NUF2: variants seen among roughly 807,000 people sequenced by gnomAD.
The protein encoded by NUF2 is kinetochore protein Nuf2.
NUF2 carries 34 observed loss-of-function variants against 61.8 expected under a neutral mutation model. The ratio of observed to expected loss-of-function variants is 0.55; its 90% CI spans 0.42 to 0.73. The LOEUF is 0.73. Among genes scored for constraint, NUF2 ranks in the 30% least tolerant of loss-of-function variants. The probability of loss-of-function intolerance (pLI) is 0.00; values close to 1 mark genes in which losing one functional copy is unlikely to be tolerated. For synonymous variants in NUF2, 172 were observed against 181.6 expected, an observed-to-expected ratio of 0.95 and a Z score of 0.42; for missense variants, 445 against 539.1, an observed-to-expected ratio of 0.83 and a Z score of 1.73.
At chr1:163,331,742 A>G (rs1650604568) in intron 5 of NUF2, among the ~76,000 whole-genome samples, 1 of 152,002 alleles carries the variant, frequency 6.6e-6, no homozygotes, top group Non-Finnish European at 1.5e-5. Context: ...TTATTTTTTT[A>G]AAGGAATTTT....
intron 2 of NUF2, among the ~76,000 whole-genome samples, chr1:163,326,890 C>T (rs1303294895): frequency 6.6e-6 from 1 of 152,064 alleles, no homozygotes; most frequent in Admixed American, 6.5e-5. Context: ...CTATATTTCC[C>T]GTCTTAATGC....
intron 2 of NUF2, 53 bp downstream of exon 2, chr1:163,326,227 G>A: frequency 6.3e-7 from 1 of 1,581,000 alleles, no homozygotes. Flanking sequence ...GAAAAAGTAA[G>A]CTACTAGGTC....
intron 5 of NUF2, among the ~76,000 whole-genome samples, chr1:163,331,218 A>C (rs1247996520): frequency 6.6e-6 from 1 of 151,630 alleles, no homozygotes; most frequent in Non-Finnish European, 1.5e-5. Context: ...ACTTTATTTC[A>C]CTGAGAGTTT....
intron 5 of NUF2, 98 bp from the exon 6 acceptor site, chr1:163,336,653 A>G (rs1650769151): frequency 2.8e-6 from 2 of 719,736 alleles, no homozygotes; most frequent in South Asian, 3.3e-5. Flanking sequence ...TTTATTTTAT[A>G]TATTATGAGC....
At chr1:163,327,450 T>C (rs767689388) in intron 2 of NUF2, 38 bp from the exon 3 acceptor site, 3 of 1,051,718 alleles carry the variant, frequency 2.9e-6, no homozygotes, top group South Asian at 1.3e-5. Flanking sequence ...AGCTTTAGAG[T>C]TATGCATCGG....
chr1:163,336,783 A>T lies in NUF2; in HGVS notation c.370A>T (p.Ile124Phe). 1.2e-6 allele frequency: 2 copies of T among 1,612,934 alleles called. No individual in the cohort carries two copies. The highest frequency in any genetic ancestry group is 1.7e-6 in the Non-Finnish European group (2 of 1,179,220). Residue 124 changes from isoleucine to phenylalanine, a missense_variant, in exon 6 of 14, where the codon ATT becomes TTT. Ile to Phe is a conservative substitution (Grantham distance 21). Transcript: ENST00000271452. ...ACGGACAAGTCGGTTTTTAAGTGGC[A>T]TTATCAACTTTATTCACTTCAGAGA... ...AKRTSRFLSGIINFIHFREAC... is the reference protein window; with the variant it reads ...AKRTSRFLSGFINFIHFREAC...
intron 9 of NUF2, among the ~76,000 whole-genome samples, chr1:163,343,080 C>T (rs1278543914): frequency 1.3e-5 from 2 of 152,134 alleles, no homozygotes; most frequent in East Asian, 3.9e-4. Context: ...TTTCCAGCTA[C>T]CCTTCACTTT....
At chr1:163,335,565 GT>G (rs1553231318) in intron 5 of NUF2, among the ~76,000 whole-genome samples, 2 of 150,338 alleles carry the variant, frequency 1.3e-5, no homozygotes, top group Admixed American at 6.6e-5. Flanking sequence ...TTTGTTTTTG[GT>G]TTTTTTTTGT....
Position 163,343,849 on chromosome 1 carries a change from C to A in NUF2, c.786C>A (p.Val262=). The A allele has an allele frequency of 1.4e-6, 2 of 1,422,774 alleles. No homozygotes were observed. The highest frequency in any genetic ancestry group is 3.4e-5 in the South Asian group (2 of 58,768). The allele number at this position is 1,422,774 out of a possible 1,614,324, so 88.1% of individuals were successfully genotyped here. The change falls in exon 10 of 14, where the codon GTC becomes GTA. Residue 262 remains valine, a synonymous_variant. Coordinates refer to ENST00000271452, the MANE Select transcript of NUF2 (RefSeq NM_145697.3). ...ATAAAGAAAAAATGAAAGATACGGT[C>A]CAGAAGCTTAAAAATGCCAGAGTGA... The part of the protein sequence containing the change: ...KNYKEKMKDT[V]QKLKNARQEV...
chr1:163,348,916 A>G, intron 12 of NUF2, 29 bp from the exon 13 acceptor site: 1 of 1,597,610 alleles, frequency 6.3e-7, no homozygotes, highest in Non-Finnish European at 8.5e-7. Flanking sequence ...GAAGAGGATT[A>G]AATATTAGCT....
chr1:163,335,303 C>A (rs560855953), intron 5 of NUF2, among the ~76,000 whole-genome samples: 3 of 152,236 alleles, frequency 2.0e-5, no homozygotes, highest in African/African-American at 7.2e-5. Context: ...GTTCTCTAGG[C>A]ATCTTGGAAC....
intron 5 of NUF2, among the ~76,000 whole-genome samples, chr1:163,333,224 A>T: frequency 6.6e-6 from 1 of 151,800 alleles, no homozygotes; most frequent in South Asian, 2.1e-4. Flanking sequence ...ACTTGATTTT[A>T]TATTAACATA....
intron 12 of NUF2, among the ~76,000 whole-genome samples, 179 bp downstream of exon 12, chr1:163,348,117 T>C (rs1257026334): frequency 1.3e-5 from 2 of 152,196 alleles, no homozygotes; most frequent in African/African-American, 4.8e-5. Context: ...CTGCTAGTTC[T>C]AGATTTAGAG....
intron 5 of NUF2, among the ~76,000 whole-genome samples, chr1:163,331,392 A>G (rs1395157193): frequency 6.6e-6 from 1 of 151,732 alleles, no homozygotes; most frequent in Non-Finnish European, 1.5e-5. Context: ...ATATATTGCT[A>G]GATTTGATTT....
At chr1:163,330,081 G>A (rs937036601) in intron 5 of NUF2, among the ~76,000 whole-genome samples, 8 of 152,098 alleles carry the variant, frequency 5.3e-5, no homozygotes, top group Admixed American at 5.2e-4. Flanking sequence ...GATTTTTAGG[G>A]CAGTAACAAT....
chr1:163,331,078 C>T (rs551469889), intron 5 of NUF2, among the ~76,000 whole-genome samples: 8 of 143,452 alleles, frequency 5.6e-5, no homozygotes, highest in South Asian at 4.4e-4. Context: ...AGTATAATGT[C>T]GAATTGAAAT....
intron 5 of NUF2, among the ~76,000 whole-genome samples, chr1:163,330,052 G>A (rs1571377508): frequency 6.6e-6 from 1 of 152,216 alleles, no homozygotes; most frequent in African/African-American, 2.4e-5. Flanking sequence ...GGGATGAATA[G>A]GATCCCTTTA....
intron 4 of NUF2, 123 bp from the exon 5 acceptor site, chr1:163,328,723 G>T: frequency 3.1e-6 from 2 of 642,108 alleles, no homozygotes; most frequent in Non-Finnish European, 5.5e-6. Context: ...TTCTGGCTTC[G>T]TCCACTGACC....
chr1:163,325,240 G>A (rs1032064692), intron 1 of NUF2, among the ~76,000 whole-genome samples: 5 of 152,054 alleles, frequency 3.3e-5, no homozygotes, highest in Non-Finnish European at 7.4e-5. Context: ...GCTGTTGGGG[G>A]CCACCCTATA....
Sources: gnomAD v4.1 joint callset for allele counts (sites outside exome capture counted in the v4.1 genomes callset) on GRCh38, gnomAD v4.1.1 for gene constraint, MANE v1.5 for transcripts, NCBI Gene and HGNC (gene_info 2026-07-23, HGNC 2026-07-21) for gene names.